The following ZDHHC14 variants were observed in gnomAD, a reference collection of about 807,000 sequenced individuals.
ZDHHC14 encodes palmitoyltransferase ZDHHC14.
ZDHHC14 carries 16 observed loss-of-function variants against 47.7 expected under a neutral mutation model. That is an observed-to-expected ratio of 0.34 (90% CI 0.23 to 0.51). The LOEUF is 0.51. ZDHHC14 is among the 20% of genes least tolerant of loss of function. The pLI, the probability that ZDHHC14 is intolerant of heterozygous loss-of-function variation, is 0.97. For missense variants in ZDHHC14, 515 were observed against 662.5 expected (o/e 0.78, Z 2.44); for synonymous variants, 293 against 278.9 (o/e 1.05, Z -0.50).
intron 1 of ZDHHC14, among the ~76,000 whole-genome samples, chr6:157,460,367 C>T (rs973852478): frequency 7.1e-6 from 1 of 140,768 alleles, no homozygotes; most frequent in Non-Finnish European, 1.5e-5. Flanking sequence ...CCACTGCACT[C>T]CAGCCTGGGC....
intron 1 of ZDHHC14, among the ~76,000 whole-genome samples, chr6:157,498,303 C>T (rs1780113555): frequency 6.6e-6 from 1 of 150,478 alleles, no homozygotes; most frequent in African/African-American, 2.4e-5. Flanking sequence ...AAGTGAGAGG[C>T]AGATGTAGAC....
At chr6:157,431,730 T>C (rs1778342063) in intron 1 of ZDHHC14, among the ~76,000 whole-genome samples, 2 of 139,208 alleles carry the variant, frequency 1.4e-5, no homozygotes, top group Admixed American at 1.4e-4. Context: ...AATTTTAATA[T>C]AATTTTTTTT....
intron 1 of ZDHHC14, among the ~76,000 whole-genome samples, chr6:157,539,817 C>T (rs149626019): frequency 0.011 from 1,601 of 152,124 alleles, 17 homozygotes; most frequent in Non-Finnish European, 0.018. Context: ...GGGGGCTTAA[C>T]TTCACATCAA....
intron 3 of ZDHHC14, among the ~76,000 whole-genome samples, chr6:157,608,558 C>T (rs1784632109): frequency 1.3e-5 from 2 of 152,166 alleles, no homozygotes; most frequent in Non-Finnish European, 2.9e-5. Context: ...TGGGAGGATG[C>T]CTGTGCTGAG....
chr6:157,506,806 T>A (rs1780336544), intron 1 of ZDHHC14, among the ~76,000 whole-genome samples: 1 of 152,242 alleles, frequency 6.6e-6, no homozygotes, highest in Non-Finnish European at 1.5e-5. Context: ...TATTAGCTAG[T>A]GGATACAACT....
chr6:157,614,088 C>T (rs189077801), intron 3 of ZDHHC14, among the ~76,000 whole-genome samples: 5 of 152,292 alleles, frequency 3.3e-5, no homozygotes, highest in African/African-American at 1.2e-4. Flanking sequence ...CAAGCCCCCC[C>T]ACCGCTGGCT....
At chr6:157,508,411 G>T (rs1188012846) in intron 1 of ZDHHC14, among the ~76,000 whole-genome samples, 2 of 152,154 alleles carry the variant, frequency 1.3e-5, no homozygotes, top group Admixed American at 6.6e-5. Flanking sequence ...CTGTTGCCCA[G>T]GTTGGAGTGC....
intron 7 of ZDHHC14, among the ~76,000 whole-genome samples, chr6:157,651,770 C>G (rs1180892558): frequency 6.6e-6 from 1 of 152,148 alleles, no homozygotes; most frequent in African/African-American, 2.4e-5. Context: ...TGGGGTTTCA[C>G]CATGTTGACC....
chr6:157,437,301 A>G (rs903386938), intron 1 of ZDHHC14, among the ~76,000 whole-genome samples: 1 of 152,192 alleles, frequency 6.6e-6, no homozygotes, highest in African/African-American at 2.4e-5. Flanking sequence ...AATAAGGTTA[A>G]CGGATGCTTC....
At position 157,499,363 on chromosome 6, in the gene ZDHHC14, G is replaced by T. The variant is rs187386215; in HGVS notation, c.246-43222G>T. The stretch of plus-strand genomic sequence containing the variant: ...GGTTTGCGGGTGGTGCCTTCTCCTT[G>T]TGTCCTCGTGTGGCTGAGGGAGCCA... On this transcript the variant is annotated intron_variant, in intron 1 of 8. Coordinates refer to ENST00000359775, the MANE Select transcript of ZDHHC14 (RefSeq NM_024630.3). Among the ~76,000 whole-genome samples the T allele has an allele frequency of 1.1e-4, 16 of 152,208 alleles. 1 individual carries two copies. Among genetic ancestry groups the T allele is most frequent in the Admixed American group, 8.5e-4 (13 of 15,298 alleles).
rs1778945925 is a variant in ZDHHC14, at chr6:157,674,942, G to A, written c.*1820G>A. The A allele has an allele frequency of 6.6e-6, 1 of 152,266 alleles. No homozygotes were observed. 9.4% of individuals were successfully genotyped at this position (152,266 alleles called of 1,614,324 possible). A position where few individuals can be genotyped will look rare whatever the true frequency, so the allele number is the denominator to read the frequency against. Reference sequence around the variant, plus strand: ...AACTACTTGTACCCACCTGCAATGTGTAATTCATGGGGCAGTGCCCTCCTT... The same window carrying A: ...AACTACTTGTACCCACCTGCAATGTATAATTCATGGGGCAGTGCCCTCCTT... On this transcript the variant is annotated 3_prime_UTR_variant, in exon 9 of 9. Transcript: ENST00000359775.
intron 1 of ZDHHC14, among the ~76,000 whole-genome samples, chr6:157,478,627 C>G (rs569649734): frequency 1.3e-5 from 2 of 152,176 alleles, no homozygotes; most frequent in East Asian, 3.9e-4. Flanking sequence ...AGAGGGGTTC[C>G]AAGAAGGAAT....
intron 1 of ZDHHC14, among the ~76,000 whole-genome samples, chr6:157,464,350 A>T (rs1331465574): frequency 6.6e-6 from 1 of 152,204 alleles, no homozygotes; most frequent in East Asian, 1.9e-4. Flanking sequence ...ACTTTGAAAT[A>T]ATTCATTTAT....
intron 1 of ZDHHC14, among the ~76,000 whole-genome samples, chr6:157,409,379 G>A (rs1389734572): frequency 6.6e-6 from 1 of 152,288 alleles, no homozygotes; most frequent in Non-Finnish European, 1.5e-5. Context: ...TAGAAGCAGA[G>A]GGAGCAGCGG....
intron 1 of ZDHHC14, among the ~76,000 whole-genome samples, chr6:157,469,145 A>G (rs1779295270): frequency 1.3e-5 from 2 of 152,230 alleles, no homozygotes; most frequent in African/African-American, 4.8e-5. Context: ...CATGTCCAGC[A>G]TGGTACTCTG....
chr6:157,381,953 T>C lies in ZDHHC14; in HGVS notation c.-69T>C. 1 of 989,654 alleles carries C rather than the reference T, an allele frequency of 1.0e-6. No individual in the cohort carries two copies. 61.3% of individuals were successfully genotyped at this position (989,654 alleles called of 1,614,324 possible). ...GCGGCCGGGCGGCCGGCGGCGGTCG[T>C]GGCTCGGCGGGGCCCGCGCGGCCGG... On this transcript the variant is annotated 5_prime_UTR_variant, in exon 1 of 9. Transcript: ENST00000359775.
At chr6:157,609,309 T>G (rs1194115253) in intron 3 of ZDHHC14, among the ~76,000 whole-genome samples, 1 of 152,100 alleles carries the variant, frequency 6.6e-6, no homozygotes, top group Non-Finnish European at 1.5e-5. Flanking sequence ...GTAGCAGCAA[T>G]GGCACTGGAC....
rs773453887 is a variant in ZDHHC14, at chr6:157,672,931, G to A, written c.1276G>A (p.Val426Met). 8.7e-6 allele frequency: 14 copies of A among 1,602,116 alleles called. No individual in the cohort carries two copies. The highest frequency in any genetic ancestry group is 2.3e-5 in the East Asian group (1 of 44,308). Residue 426 changes from valine (V) to methionine (M), a missense_variant, in exon 9 of 9, where the codon GTG (valine) becomes ATG (methionine). Coordinates refer to ENST00000359775, the MANE Select transcript of ZDHHC14 (RefSeq NM_024630.3). The part of the protein sequence containing the change: ...PNLAEATLAD[V>M]MPRKDEHMGH... Reference sequence around the variant, plus strand: ...CCTCGCCGAGGCCACGCTCGCGGACGTGATGCCCCGGAAAGATGAGCACAT... The same window carrying A: ...CCTCGCCGAGGCCACGCTCGCGGACATGATGCCCCGGAAAGATGAGCACAT...
intron 1 of ZDHHC14, among the ~76,000 whole-genome samples, chr6:157,442,536 C>T (rs949279593): frequency 6.6e-6 from 1 of 152,242 alleles, no homozygotes; most frequent in Non-Finnish European, 1.5e-5. Flanking sequence ...AAGCCCCGCT[C>T]TCCCAGTGTG....
Sources: allele counts gnomAD v4.1 joint callset (sites outside exome capture counted in the v4.1 genomes callset), GRCh38; gene constraint gnomAD v4.1.1; transcripts MANE v1.5; gene names NCBI Gene and HGNC (gene_info 2026-07-23, HGNC 2026-07-21).